Variants in TRPC5 observed in about 807,000 individuals in gnomAD.
TRPC5 encodes the protein transient receptor potential cation channel subfamily C member 5, also known as short transient receptor potential channel 5.
Under a neutral mutation model 56.5 loss-of-function variants are expected in TRPC5, and 9 were observed. The ratio of observed to expected loss-of-function variants is 0.16; its 90% confidence interval spans 0.10 to 0.28. The LOEUF (loss-of-function observed/expected upper bound fraction) is 0.28. Ranked by LOEUF, TRPC5 falls within the 10% of genes least tolerant of loss-of-function variation. The pLI, the probability that TRPC5 is intolerant of heterozygous loss-of-function variation, is 1.00. For missense variants in TRPC5, 469 were observed against 748.9 expected, an observed-to-expected ratio of 0.63 and a Z score of 4.36; for synonymous variants, 282 against 278.5, an observed-to-expected ratio of 1.01 and a Z score of -0.13.
intron 2 of TRPC5, among the ~76,000 whole-genome samples, chrX:111,936,561 T>C (rs1926585989): frequency 9.3e-6 from 1 of 107,874 alleles, no homozygotes; most frequent in South Asian, 4.3e-4. Flanking sequence ...GTTCTCATTG[T>C]TCAATTCCCA....
rs35353450 is a variant in TRPC5 at position 111,771,773 on chromosome X, C to CTT, written c.*4538_*4539dup. Among the ~76,000 whole-genome samples, 8 of 101,404 alleles carry CTT rather than the reference C, an allele frequency of 7.9e-5. No homozygotes were observed. In the East Asian group the frequency reaches 9.2e-4, roughly 12 times the overall value. 88.1% of individuals were successfully genotyped at this position (101,404 alleles called of 115,157 possible). A position where few individuals can be genotyped will look rare whatever the true frequency, so the allele number is the denominator to read the frequency against. On this transcript the variant is annotated 3_prime_UTR_variant, in exon 11 of 11. Coordinates refer to ENST00000262839, the MANE Select transcript of TRPC5 (RefSeq NM_012471.3). Reference sequence around the variant, plus strand: ...CAGGTAAGTTATTCTGACCTAAATGCTTTTTTTTTTTTTAAACAAAACCAG... The same window carrying CTT: ...CAGGTAAGTTATTCTGACCTAAATGCTTTTTTTTTTTTTTTAAACAAAACCAG...
intron 1 of TRPC5, among the ~76,000 whole-genome samples, chrX:112,066,263 T>C (rs1223232896): frequency 9.0e-6 from 1 of 110,717 alleles, no homozygotes; most frequent in Non-Finnish European, 1.9e-5. Flanking sequence ...TCTCAAACTA[T>C]TGCAATTATT....
Position 112,043,055 on chromosome X carries a change from T to C in TRPC5, c.-22+38824A>G, listed in dbSNP as rs187720551. ...AACCATTCTTTTGAATATGAACTTA[T>C]GTACATGTTATACTGATATATAATA... On this transcript the variant is annotated intron_variant, in intron 1 of 10. Transcript: ENST00000262839. Among the ~76,000 whole-genome samples, 718 of 112,174 alleles carry C rather than the reference T, an allele frequency of 6.4e-3. 4 individuals are homozygous for C. The highest frequency in any genetic ancestry group is 0.022 in the African/African-American group (689 of 30,908).
chrX:112,016,360 A>AGTGT (rs113555140), intron 1 of TRPC5, among the ~76,000 whole-genome samples: 153 of 102,846 alleles, frequency 1.5e-3, no homozygotes, highest in African/African-American at 4.0e-3. Flanking sequence ...GGAAGGTTGG[A>AGTGT]GTGTGTGTGT....
Sources: gnomAD v4.1 joint callset for allele counts (sites outside exome capture counted in the v4.1 genomes callset) on GRCh38, gnomAD v4.1.1 for gene constraint, MANE v1.5 for transcripts, NCBI Gene and HGNC (gene_info 2026-07-23, HGNC 2026-07-21) for gene names.